ARHGAP21: variants seen among roughly 807,000 people sequenced by gnomAD.
The protein encoded by ARHGAP21 is Rho GTPase activating protein 21.
In ARHGAP21, 38 loss-of-function variants were observed where a neutral mutation model predicts 164.6. The ratio of observed to expected loss-of-function variants is 0.23; its 90% CI spans 0.18 to 0.30. The LOEUF is 0.30. Among genes scored for constraint, ARHGAP21 ranks in the 10% least tolerant of loss-of-function variants. The probability of loss-of-function intolerance (pLI) is 1.00; values close to 1 mark genes in which losing one functional copy is unlikely to be tolerated. For missense variants in ARHGAP21, 1,822 were observed against 2,370.7 expected (o/e 0.77, Z 4.81); for synonymous variants, 766 against 857.9 (o/e 0.89, Z 1.87).
chr10:24,643,928 A>G (rs1254017916), intron 4 of ARHGAP21, among the ~76,000 whole-genome samples: 1 of 151,974 alleles, frequency 6.6e-6, no homozygotes, highest in Non-Finnish European at 1.5e-5. Flanking sequence ...GACCAGGTTG[A>G]TCTCGAACTG....
At chr10:24,706,825 CTGAG>C (rs1162444157) in intron 2 of ARHGAP21, among the ~76,000 whole-genome samples, 14 of 152,344 alleles carry the variant, frequency 9.2e-5, no homozygotes, top group African/African-American at 2.2e-4. Flanking sequence ...AAAATTCTTA[CTGAG>C]TATTTAACAT....
At chr10:24,659,189 T>C (rs972355272) in intron 4 of ARHGAP21, among the ~76,000 whole-genome samples, 38 of 152,226 alleles carry the variant, frequency 2.5e-4, no homozygotes, top group African/African-American at 8.7e-4. Context: ...TTCCTAGGTA[T>C]AACCTCCAAA....
At chr10:24,649,501 A>C (rs1837938748) in intron 4 of ARHGAP21, among the ~76,000 whole-genome samples, 1 of 152,184 alleles carries the variant, frequency 6.6e-6, no homozygotes, top group Non-Finnish European at 1.5e-5. Context: ...AAGTAGGAAA[A>C]AGAAAAAAAG....
chr10:24,657,624 G>A (rs895837310), intron 4 of ARHGAP21, among the ~76,000 whole-genome samples: 7 of 128,584 alleles, frequency 5.4e-5, no homozygotes, highest in Non-Finnish European at 1.1e-4. Context: ...GAAAGGTGGG[G>A]AAAAGATTGA....
chr10:24,673,719 G>A (rs1009211607), intron 2 of ARHGAP21, among the ~76,000 whole-genome samples: 3 of 151,970 alleles, frequency 2.0e-5, no homozygotes, highest in African/African-American at 7.3e-5. Flanking sequence ...AAAATTAGCT[G>A]GGTGTGGTGG....
At chr10:24,710,924 T>C (rs983592495) in intron 2 of ARHGAP21, among the ~76,000 whole-genome samples, 1 of 151,704 alleles carries the variant, frequency 6.6e-6, no homozygotes, top group Non-Finnish European at 1.5e-5. Flanking sequence ...CGAAACCCCA[T>C]CTCTATTAAA....
chr10:24,586,134 T>C, intron 25 of ARHGAP21, 28 bp from the exon 26 acceptor site: 2 of 1,537,838 alleles, frequency 1.3e-6, no homozygotes, highest in Non-Finnish European at 8.7e-7. Context: ...AGAAAGACTC[T>C]GAGCATAAGA....
chr10:24,640,413 T>A (rs1426449902), intron 4 of ARHGAP21: 2 of 152,028 alleles, frequency 1.3e-5, no homozygotes, highest in East Asian at 3.9e-4. Context: ...AAACCAAATC[T>A]CTGCTTTTAT....
intron 2 of ARHGAP21, among the ~76,000 whole-genome samples, chr10:24,677,684 G>C (rs1841390012): frequency 6.6e-6 from 1 of 152,168 alleles, no homozygotes; most frequent in South Asian, 2.1e-4. Context: ...GGTATGCTAG[G>C]CTTAGTTTCC....
At chr10:24,608,322 C>CATTA (rs1244410315) in intron 9 of ARHGAP21, among the ~76,000 whole-genome samples, 2 of 152,296 alleles carry the variant, frequency 1.3e-5, no homozygotes, top group Non-Finnish European at 2.9e-5. Flanking sequence ...GTTTTCAAAG[C>CATTA]ATTAATTCCT....
chr10:24,647,290 A>G (rs1173506320), intron 4 of ARHGAP21, among the ~76,000 whole-genome samples: 2 of 152,176 alleles, frequency 1.3e-5, no homozygotes, highest in Non-Finnish European at 2.9e-5. Context: ...TTAACCTTTC[A>G]TCTAACTTGA....
chr10:24,671,846 C>A (rs781047054), intron 2 of ARHGAP21, among the ~76,000 whole-genome samples: 1 of 151,284 alleles, frequency 6.6e-6, no homozygotes, highest in African/African-American at 2.4e-5. Flanking sequence ...CCTCACCCTC[C>A]CAGGTAGATG....
At chr10:24,666,880 T>A (rs1173766490) in intron 4 of ARHGAP21, 105 bp downstream of exon 4, 1 of 797,280 alleles carries the variant, frequency 1.3e-6, no homozygotes, top group African/African-American at 1.8e-5. Flanking sequence ...AACTATTATA[T>A]ATTTGAACAC....
intron 16 of ARHGAP21, among the ~76,000 whole-genome samples, chr10:24,597,099 A>C (rs914975445): frequency 1.3e-5 from 2 of 151,824 alleles, no homozygotes; most frequent in African/African-American, 4.8e-5. Flanking sequence ...GCAAAAAAAA[A>C]AACTACATAG....
chr10:24,706,459 T>C (rs766737685), intron 2 of ARHGAP21: 2 of 152,772 alleles, frequency 1.3e-5, no homozygotes, highest in African/African-American at 2.4e-5. Context: ...TTATACATCA[T>C]AGCAGTTTTG....
intron 4 of ARHGAP21, among the ~76,000 whole-genome samples, chr10:24,656,312 G>A (rs1468539647): frequency 8.1e-5 from 8 of 98,734 alleles, no homozygotes; most frequent in South Asian, 4.1e-4. Flanking sequence ...CCCTCAGCCT[G>A]GCCAGCCACC....
At chr10:24,711,889 T>A (rs1844859906) in intron 2 of ARHGAP21, among the ~76,000 whole-genome samples, 2 of 151,814 alleles carry the variant, frequency 1.3e-5, no homozygotes, top group South Asian at 4.2e-4. Context: ...GACCTTATTT[T>A]GAAAAAGGGT....
intron 12 of ARHGAP21, among the ~76,000 whole-genome samples, chr10:24,602,858 G>C (rs1216594478): frequency 2.0e-5 from 3 of 152,124 alleles, no homozygotes; most frequent in Admixed American, 6.5e-5. Context: ...AGGGTAGTCT[G>C]GAATTGATAT....
intron 9 of ARHGAP21, among the ~76,000 whole-genome samples, chr10:24,615,071 T>G (rs1261863595): frequency 6.6e-6 from 1 of 151,864 alleles, no homozygotes; most frequent in East Asian, 1.9e-4. Flanking sequence ...ACACCTGTAA[T>G]CCCAGCTACT....
Sources: allele counts gnomAD v4.1 joint callset (sites outside exome capture counted in the v4.1 genomes callset), GRCh38; gene constraint gnomAD v4.1.1; transcripts MANE v1.5; gene names NCBI Gene and HGNC (gene_info 2026-07-23, HGNC 2026-07-21).